The following SUGCT variants were observed in gnomAD, a reference collection of about 807,000 sequenced individuals.
SUGCT encodes succinyl-CoA:glutarate CoA-transferase.
Under a neutral mutation model 55.0 loss-of-function variants are expected in SUGCT, and 41 were observed. The observed-to-expected ratio is 0.74, with a 90% CI of 0.58 to 0.97. The LOEUF is 0.97. Ranked by LOEUF, SUGCT falls within the 50% of genes least tolerant of loss-of-function variation. The pLI is 0.00. For missense variants in SUGCT, 568 were observed against 547.8 expected (o/e 1.04, Z -0.37); for synonymous variants, 187 against 200.4 (o/e 0.93, Z 0.56).
At chr7:40,384,622 C>T (rs1785025116) in intron 9 of SUGCT, among the ~76,000 whole-genome samples, 1 of 151,812 alleles carries the variant, frequency 6.6e-6, no homozygotes. Flanking sequence ...ATGATCTTGG[C>T]TCACTGCAAC....
chr7:40,711,088 G>A (rs1387543243), intron 12 of SUGCT, among the ~76,000 whole-genome samples: 1 of 152,206 alleles, frequency 6.6e-6, no homozygotes, highest in Non-Finnish European at 1.5e-5. Flanking sequence ...TGCCTACCAG[G>A]GCTGGGCAGG....
chr7:40,855,048 T>C (rs1232592158), intron 13 of SUGCT, among the ~76,000 whole-genome samples: 1 of 151,694 alleles, frequency 6.6e-6, no homozygotes, highest in African/African-American at 2.4e-5. Context: ...AAGACTAGTT[T>C]CCACCCTCCT....
chr7:40,898,849 TGTGATC>T, the SUGCT span, among the ~76,000 whole-genome samples: 1 of 152,090 alleles, frequency 6.6e-6, no homozygotes, highest in Non-Finnish European at 1.5e-5. Flanking sequence ...AGGTGATTCA[TGTGATC>T]AAAGTGAATA....
chr7:40,859,009 GGCATT>G (rs1390539989), intron 13 of SUGCT, among the ~76,000 whole-genome samples: 1 of 152,066 alleles, frequency 6.6e-6, no homozygotes, highest in African/African-American at 2.4e-5. Flanking sequence ...TTTACTGATG[GGCATT>G]CTTTTACCCA....
At chr7:40,452,712 T>C (rs770875931) in intron 10 of SUGCT, among the ~76,000 whole-genome samples, 21 of 152,196 alleles carry the variant, frequency 1.4e-4, no homozygotes, top group Non-Finnish European at 2.8e-4. Context: ...TGGAAAGTGT[T>C]AGAGAAGTGA....
chr7:40,150,328 T>C (rs781062593), intron 1 of SUGCT, among the ~76,000 whole-genome samples: 1 of 152,138 alleles, frequency 6.6e-6, no homozygotes, highest in Non-Finnish European at 1.5e-5. Context: ...CAATCAGCAC[T>C]CCTGGCTCAC....
chr7:40,368,101 C>G (rs1168924023), intron 9 of SUGCT, among the ~76,000 whole-genome samples: 3 of 152,238 alleles, frequency 2.0e-5, no homozygotes, highest in African/African-American at 7.2e-5. Context: ...CTATTGTCAT[C>G]TCCGAAAGTC....
chr7:41,010,258 G>A, the SUGCT span, among the ~76,000 whole-genome samples: 10 of 152,306 alleles, frequency 6.6e-5, no homozygotes, highest in South Asian at 4.1e-4. Flanking sequence ...ATACCAACAC[G>A]TAGGAACCAC....
chr7:40,226,544 G>A (rs1168290141), intron 6 of SUGCT, among the ~76,000 whole-genome samples: 1 of 149,624 alleles, frequency 6.7e-6, no homozygotes, highest in Non-Finnish European at 1.5e-5. Flanking sequence ...CTCTATAAAA[G>A]TAAAAAGTGG....
At chr7:40,488,702 C>A (rs2151503302) in intron 11 of SUGCT, among the ~76,000 whole-genome samples, 1 of 152,164 alleles carries the variant, frequency 6.6e-6, no homozygotes, top group African/African-American at 2.4e-5. Context: ...GTCTTTATTT[C>A]TCCTTTATTT....
At chr7:40,976,800 G>T in the SUGCT span, among the ~76,000 whole-genome samples, 1 of 152,148 alleles carries the variant, frequency 6.6e-6, no homozygotes, top group Admixed American at 6.5e-5. Flanking sequence ...AGACCCCAAA[G>T]GTTTAAAGCA....
chr7:40,336,061 C>T (rs895240962), intron 9 of SUGCT, among the ~76,000 whole-genome samples: 1 of 151,976 alleles, frequency 6.6e-6, no homozygotes, highest in Non-Finnish European at 1.5e-5. Context: ...TATTGATTTG[C>T]ATATGTTGAA....
At chr7:40,836,040 A>G (rs1311673452) in intron 13 of SUGCT, among the ~76,000 whole-genome samples, 2 of 150,892 alleles carry the variant, frequency 1.3e-5, no homozygotes, top group African/African-American at 4.9e-5. Context: ...CTACAGGTTT[A>G]TGTCACTATG....
At chr7:40,934,570 G>A in the SUGCT span, among the ~76,000 whole-genome samples, 126 of 152,328 alleles carry the variant, frequency 8.3e-4, no homozygotes, top group African/African-American at 2.9e-3. Context: ...GAGGCAGTAG[G>A]CCTTGCTGAA....
intron 6 of SUGCT, among the ~76,000 whole-genome samples, chr7:40,228,187 T>C (rs1788502469): frequency 6.6e-6 from 1 of 152,184 alleles, no homozygotes; most frequent in Non-Finnish European, 1.5e-5. Flanking sequence ...CTGGTCTTTC[T>C]TTCTTTCCTT....
chr7:40,711,974 A>G (rs943142277), intron 12 of SUGCT, among the ~76,000 whole-genome samples: 4 of 152,168 alleles, frequency 2.6e-5, no homozygotes, highest in African/African-American at 9.7e-5. Context: ...ACTCTCATTC[A>G]GTTCTTCCCA....
chr7:40,851,426 T>C (rs956365435), intron 13 of SUGCT, among the ~76,000 whole-genome samples: 19 of 152,184 alleles, frequency 1.2e-4, no homozygotes, highest in African/African-American at 4.6e-4. Context: ...AATAGTAGTT[T>C]TAGATGTTAT....
chr7:40,290,264 G>A (rs1292530178), intron 8 of SUGCT, among the ~76,000 whole-genome samples: 2 of 152,124 alleles, frequency 1.3e-5, no homozygotes, highest in African/African-American at 4.8e-5. Context: ...TATATTACAA[G>A]GCTACAGTAA....
chr7:40,834,759 G>T (rs1255050522), intron 13 of SUGCT, among the ~76,000 whole-genome samples: 1 of 152,136 alleles, frequency 6.6e-6, no homozygotes, highest in Non-Finnish European at 1.5e-5. Flanking sequence ...TCAAATAAAA[G>T]AAATGTTTCT....
Sources: gnomAD v4.1 joint callset for allele counts (sites outside exome capture counted in the v4.1 genomes callset) on GRCh38, gnomAD v4.1.1 for gene constraint, MANE v1.5 for transcripts, NCBI Gene and HGNC (gene_info 2026-07-23, HGNC 2026-07-21) for gene names.